The following SPOP variants were observed in gnomAD, a reference collection of about 807,000 sequenced individuals.
The protein encoded by SPOP is speckle-type POZ protein.
A neutral mutation model predicts 45.6 loss-of-function variants in SPOP; 11 were observed. That is an observed-to-expected ratio of 0.24 (90% CI 0.15 to 0.40). SPOP has a LOEUF of 0.40. Among genes scored for constraint, SPOP ranks in the 10% least tolerant of loss-of-function variants. SPOP has a pLI of 1.00. For synonymous variants in SPOP, 166 were observed against 166.3 expected, an observed-to-expected ratio of 1.00 and a Z score of 0.01; for missense variants, 152 against 465.6, an observed-to-expected ratio of 0.33 and a Z score of 6.20.
chr17:49,676,961 TTTG>T (rs2073207400), intron 1 of SPOP, among the ~76,000 whole-genome samples: 1 of 152,212 alleles, frequency 6.6e-6, no homozygotes. Context: ...TGCTTTCCGA[TTTG>T]TTTTCATGTT....
intron 6 of SPOP, among the ~76,000 whole-genome samples, chr17:49,609,815 A>C (rs770324629): frequency 3.9e-5 from 6 of 151,950 alleles, no homozygotes; most frequent in African/African-American, 7.3e-5. Context: ...GTACAGGCTG[A>C]AGGTGAAGAG....
chr17:49,616,349 C>A (rs2072086384), intron 5 of SPOP, among the ~76,000 whole-genome samples: 1 of 152,110 alleles, frequency 6.6e-6, no homozygotes, highest in Non-Finnish European at 1.5e-5. Context: ...TGAGAAGTGC[C>A]TCAGTCAAAG....
chr17:49,653,317 T>C (rs1025662710), intron 1 of SPOP, among the ~76,000 whole-genome samples: 20 of 152,042 alleles, frequency 1.3e-4, no homozygotes, highest in African/African-American at 4.8e-4. Flanking sequence ...CTTCTAGATT[T>C]CAAATCCCTC....
chr17:49,677,648 A>T (rs1224907562), intron 1 of SPOP, among the ~76,000 whole-genome samples: 1 of 148,520 alleles, frequency 6.7e-6, no homozygotes, highest in East Asian at 2.0e-4. Flanking sequence ...CGCAGGCGAC[A>T]GCTCAGTATT....
At chr17:49,646,079 C>T (rs1433744037) in intron 1 of SPOP, 1 of 152,164 alleles carries the variant, frequency 6.6e-6, no homozygotes, top group Non-Finnish European at 1.5e-5. Flanking sequence ...AGGAATAAAG[C>T]TCTAATTGCC....
intron 6 of SPOP, among the ~76,000 whole-genome samples, chr17:49,610,700 A>C (rs2071953932): frequency 6.6e-6 from 1 of 152,204 alleles, no homozygotes; most frequent in Non-Finnish European, 1.5e-5. Flanking sequence ...TCTTAAGAGA[A>C]GTATACGGTG....
intron 1 of SPOP, among the ~76,000 whole-genome samples, chr17:49,663,276 C>T (rs1235944097): frequency 1.3e-5 from 2 of 152,178 alleles, no homozygotes; most frequent in Non-Finnish European, 2.9e-5. Context: ...AGGTTGCAAG[C>T]TCCTTATGAG....
At chr17:49,614,802 AGT>A (rs60134980) in intron 5 of SPOP, among the ~76,000 whole-genome samples, 31,945 of 146,742 alleles carry the variant, frequency 0.22, 3,551 homozygotes, top group Middle Eastern at 0.27. Flanking sequence ...CATGCTATGA[AGT>A]GTGTGTGTGT....
intron 1 of SPOP, among the ~76,000 whole-genome samples, chr17:49,631,317 A>G (rs911522678): frequency 3.3e-5 from 5 of 152,322 alleles, no homozygotes; most frequent in Admixed American, 1.3e-4. Context: ...TTTTTAATAG[A>G]AAATATACAT....
chr17:49,662,013 CAAAAAAAA>C (rs11307294), intron 1 of SPOP, among the ~76,000 whole-genome samples: 2 of 90,066 alleles, frequency 2.2e-5, no homozygotes, highest in Non-Finnish European at 4.4e-5. Flanking sequence ...AACTCCGTCT[CAAAAAAAA>C]AAAAAAAAAA....
chr17:49,623,053 C>T (rs1036939671), intron 1 of SPOP, among the ~76,000 whole-genome samples, 177 bp from the exon 2 acceptor site: 11 of 151,586 alleles, frequency 7.3e-5, no homozygotes, highest in African/African-American at 1.2e-4. Flanking sequence ...GTTGCCCAGA[C>T]GGGAGTGCAG....
intron 5 of SPOP, among the ~76,000 whole-genome samples, chr17:49,615,005 C>T (rs917979108): frequency 6.6e-6 from 1 of 151,874 alleles, no homozygotes; most frequent in South Asian, 2.1e-4. Context: ...ACTACAGGCA[C>T]GTGCCATCAT....
intron 1 of SPOP, among the ~76,000 whole-genome samples, chr17:49,629,019 G>A (rs558024355): frequency 5.1e-4 from 78 of 152,114 alleles, no homozygotes; most frequent in African/African-American, 1.8e-3. Flanking sequence ...CGAGGTGGGC[G>A]GATCATGAGG....
chr17:49,666,462 C>T (rs1002752613), intron 1 of SPOP, among the ~76,000 whole-genome samples: 1 of 150,838 alleles, frequency 6.6e-6, no homozygotes, highest in Admixed American at 6.6e-5. Flanking sequence ...CACACACACA[C>T]ACACACACAC....
chr17:49,655,980 T>A (rs2072908016), intron 1 of SPOP, among the ~76,000 whole-genome samples: 1 of 152,006 alleles, frequency 6.6e-6, no homozygotes, highest in Admixed American at 6.5e-5. Flanking sequence ...CCGGCTAATT[T>A]TTTGTATTTT....
intron 1 of SPOP, among the ~76,000 whole-genome samples, chr17:49,667,773 G>T (rs2073082222): frequency 6.6e-6 from 1 of 151,976 alleles, no homozygotes; most frequent in African/African-American, 2.4e-5. Flanking sequence ...CTGAAAGCAG[G>T]GTCTCGAAAA....
At chr17:49,608,821 G>A (rs2071905739) in intron 6 of SPOP, among the ~76,000 whole-genome samples, 2 of 152,150 alleles carry the variant, frequency 1.3e-5, no homozygotes, top group Admixed American at 1.3e-4. Context: ...AAAATATATA[G>A]TAGAAAGGTT....
intron 1 of SPOP, among the ~76,000 whole-genome samples, chr17:49,657,396 A>G (rs1172381000): frequency 2.0e-5 from 3 of 152,086 alleles, no homozygotes; most frequent in African/African-American, 4.8e-5. Context: ...GATGTTCATC[A>G]CAGCAAATTT....
At chr17:49,666,482 CACACACA>C (rs1567804286) in intron 1 of SPOP, among the ~76,000 whole-genome samples, 3 of 151,528 alleles carry the variant, frequency 2.0e-5, no homozygotes, top group Non-Finnish European at 4.4e-5. Context: ...CACACACACA[CACACACA>C]CACACCCATA....
Sources: allele counts gnomAD v4.1 joint callset (sites outside exome capture counted in the v4.1 genomes callset), GRCh38; gene constraint gnomAD v4.1.1; transcripts MANE v1.5; gene names NCBI Gene and HGNC (gene_info 2026-07-23, HGNC 2026-07-21).